CREB1: variants seen among roughly 807,000 people sequenced by gnomAD.
CREB1 encodes the protein cyclic AMP-responsive element-binding protein 1.
Under a neutral mutation model 42.0 loss-of-function variants are expected in CREB1, and 2 were observed. The ratio of observed to expected loss-of-function variants is 0.05; its 90% confidence interval spans 0.02 to 0.15. CREB1 has a LOEUF of 0.15. Among genes scored for constraint, CREB1 ranks in the 10% least tolerant of loss-of-function variants. The pLI, the probability that CREB1 is intolerant of heterozygous loss-of-function variation, is 1.00. For missense variants in CREB1, 199 were observed against 388.9 expected (o/e 0.51, Z 4.11); for synonymous variants, 123 against 139.9 (o/e 0.88, Z 0.85).
At chr2:207,552,246 T>A (rs1024086665) in intron 1 of CREB1, among the ~76,000 whole-genome samples, 3 of 152,066 alleles carry the variant, frequency 2.0e-5, no homozygotes, top group Non-Finnish European at 4.4e-5. Flanking sequence ...TAAAATTTAC[T>A]TGGATTCACT....
chr2:207,530,828 C>T lies in CREB1; in HGVS notation c.-9+694C>T, dbSNP rs192008504. On this transcript the variant is annotated intron_variant, in intron 1 of 7. Coordinates refer to ENST00000353267, the MANE Select transcript of CREB1 (RefSeq NM_004379.5). The stretch of plus-strand genomic sequence containing the variant: ...CAATAAAGTTCGAAACCCAAGGTTT[C>T]CTCTCGTGCTGTATTTTATTCGTGC... Among the ~76,000 whole-genome samples the T allele has an allele frequency of 4.1e-4, 63 of 152,040 alleles. 2 individuals are homozygous for T. The highest frequency in any genetic ancestry group is 1.3e-3 in the African/African-American group (56 of 41,524).
chr2:207,531,339 C>A (rs1040726356), intron 1 of CREB1, among the ~76,000 whole-genome samples: 8 of 152,146 alleles, frequency 5.3e-5, no homozygotes, highest in African/African-American at 1.9e-4. Flanking sequence ...AATACTACTA[C>A]TAAAAATAGA....
chr2:207,585,722 G>A (rs2083701551), intron 7 of CREB1, among the ~76,000 whole-genome samples: 1 of 152,068 alleles, frequency 6.6e-6, no homozygotes, highest in Non-Finnish European at 1.5e-5. Context: ...AATTAAAGAG[G>A]TAAATAGTTA....
intron 7 of CREB1, among the ~76,000 whole-genome samples, chr2:207,595,823 C>T (rs13431009): frequency 0.014 from 2,109 of 152,300 alleles, 31 homozygotes; most frequent in African/African-American, 0.035. Context: ...CCCACCTCAG[C>T]CTCCCAAAGT....
At chr2:207,534,273 G>A (rs1318615808) in intron 1 of CREB1, among the ~76,000 whole-genome samples, 7 of 152,154 alleles carry the variant, frequency 4.6e-5, no homozygotes, top group Admixed American at 4.6e-4. Flanking sequence ...GTCTTGCTCT[G>A]TTGCCCAGGA....
intron 1 of CREB1, among the ~76,000 whole-genome samples, chr2:207,537,016 T>A (rs2080900524): frequency 6.6e-6 from 1 of 151,104 alleles, no homozygotes; most frequent in Admixed American, 6.6e-5. Flanking sequence ...TGTGTGCTAT[T>A]TGTACCTGCT....
At chr2:207,583,782 A>G (rs911321948) in intron 7 of CREB1, among the ~76,000 whole-genome samples, 2 of 152,226 alleles carry the variant, frequency 1.3e-5, no homozygotes, top group Non-Finnish European at 2.9e-5. Context: ...GAACAATTAT[A>G]CTAGTTAACT....
At chr2:207,565,038 GTT>G (rs34275460) in intron 3 of CREB1, among the ~76,000 whole-genome samples, 8 of 144,816 alleles carry the variant, frequency 5.5e-5, no homozygotes, top group Admixed American at 6.9e-5. Context: ...GGTCCAGTAT[GTT>G]TTTTTTTTTT....
chr2:207,545,567 C>G (rs1285545683), intron 1 of CREB1, among the ~76,000 whole-genome samples: 1 of 152,000 alleles, frequency 6.6e-6, no homozygotes, highest in Non-Finnish European at 1.5e-5. Context: ...GGGACTACTA[C>G]TATGTAGTAA....
At chr2:207,537,851 G>C (rs1036752988) in intron 1 of CREB1, among the ~76,000 whole-genome samples, 2 of 152,064 alleles carry the variant, frequency 1.3e-5, no homozygotes, top group African/African-American at 4.8e-5. Flanking sequence ...AGGTTTTACA[G>C]GTTGAGAATC....
chr2:207,545,582 C>G (rs1479430096), intron 1 of CREB1, among the ~76,000 whole-genome samples: 1 of 152,116 alleles, frequency 6.6e-6, no homozygotes, highest in East Asian at 1.9e-4. Flanking sequence ...TAGTAATTTT[C>G]AGTTCTGCTG....
intron 2 of CREB1, among the ~76,000 whole-genome samples, chr2:207,556,320 AT>A (rs1467181192): frequency 6.6e-6 from 1 of 152,090 alleles, no homozygotes; most frequent in Non-Finnish European, 1.5e-5. Context: ...GTTTGCATGC[AT>A]TCTCCTCAAC....
At chr2:207,585,556 T>C (rs2083670278) in intron 7 of CREB1, among the ~76,000 whole-genome samples, 1 of 151,796 alleles carries the variant, frequency 6.6e-6, no homozygotes, top group South Asian at 2.2e-4. Context: ...AGGAACACAA[T>C]AATTTTCCAC....
At chr2:207,596,833 A>C in intron 7 of CREB1, 81 bp from the exon 8 acceptor site, 3 of 1,525,266 alleles carry the variant, frequency 2.0e-6, no homozygotes, top group Non-Finnish European at 2.7e-6. Flanking sequence ...CTATTTCTTT[A>C]AAAAAGAAAA....
rs149163523 is a variant in CREB1 at position 207,558,725 on chromosome 2, A to C, written c.115-1501A>C. Among the ~76,000 whole-genome samples, 532 of 151,182 alleles carry C rather than the reference A, an allele frequency of 3.5e-3. 3 individuals are homozygous for C. The highest frequency in any genetic ancestry group is 0.012 in the African/African-American group (476 of 41,140). On this transcript the variant is annotated intron_variant, in intron 2 of 7. Coordinates refer to ENST00000353267, the MANE Select transcript of CREB1 (RefSeq NM_004379.5). ...AATGGCGCGATCTCGGCTCACTGCA[A>C]CCTCTGCCCCCTGGGTTTAAGCAGT...
At chr2:207,571,401 A>G (rs1175675002) in intron 5 of CREB1, among the ~76,000 whole-genome samples, 2 of 152,090 alleles carry the variant, frequency 1.3e-5, no homozygotes, top group South Asian at 2.1e-4. Flanking sequence ...TTCCAGTTCA[A>G]CTTTGTTTTG....
chr2:207,578,639 G>C (rs537274030), intron 7 of CREB1, among the ~76,000 whole-genome samples: 2 of 152,002 alleles, frequency 1.3e-5, no homozygotes, highest in East Asian at 3.9e-4. Flanking sequence ...AAATGGGTTT[G>C]TGTGTGTGTG....
chr2:207,538,804 A>G (rs982283077), intron 1 of CREB1, among the ~76,000 whole-genome samples: 6 of 152,212 alleles, frequency 3.9e-5, no homozygotes, highest in African/African-American at 1.4e-4. Context: ...CGTTTCTTTC[A>G]TCAATTTTAA....
At chr2:207,587,661 G>C (rs1394895245) in intron 7 of CREB1, among the ~76,000 whole-genome samples, 1 of 152,180 alleles carries the variant, frequency 6.6e-6, no homozygotes, top group Non-Finnish European at 1.5e-5. Flanking sequence ...GAACTTGGGG[G>C]ACATTATGGG....
Sources: gnomAD v4.1 joint callset for allele counts (sites outside exome capture counted in the v4.1 genomes callset) on GRCh38, gnomAD v4.1.1 for gene constraint, MANE v1.5 for transcripts, NCBI Gene and HGNC (gene_info 2026-07-23, HGNC 2026-07-21) for gene names.